Variants in AS3MT observed in about 807,000 individuals in gnomAD.
AS3MT encodes S-adenosyl-L-methionine:arsenic(III) methyltransferase.
In AS3MT, 47 loss-of-function variants were observed where a neutral mutation model predicts 45.3. The observed-to-expected ratio is 1.04, with a 90% CI of 0.82 to 1.32. The LOEUF (loss-of-function observed/expected upper bound fraction) is 1.32. Ranked by LOEUF, AS3MT falls within the 40% of genes most tolerant of loss-of-function variation. AS3MT has a pLI of 0.00. For synonymous variants in AS3MT, 141 were observed against 152.8 expected, an observed-to-expected ratio of 0.92 and a Z score of 0.57; for missense variants, 396 against 451.1, an observed-to-expected ratio of 0.88 and a Z score of 1.11.
At position 102,896,808 on chromosome 10, in the gene AS3MT, CA is replaced by C. The variant is rs71019628; in HGVS notation, c.1021-3770del. On this transcript the variant is annotated intron_variant, in intron 10 of 10. Coordinates refer to ENST00000369880, the MANE Select transcript of AS3MT (RefSeq NM_020682.4). ...GGGGTGACAGAGTGAGACTCCATCT[CA>C]AAAAAAAAAAAAAAGAGTGATTTAC... Among the ~76,000 whole-genome samples the C allele has an allele frequency of 2.4e-3, 293 of 120,648 alleles. No individual in the cohort carries two copies. In the Middle Eastern group the frequency reaches 0.029, roughly 12 times the overall value. 79.1% of individuals were successfully genotyped at this position (120,648 alleles called of 152,430 possible). A position where few individuals can be genotyped will look rare whatever the true frequency, so the allele number is the denominator to read the frequency against.
intron 9 of AS3MT, among the ~76,000 whole-genome samples, chr10:102,888,879 A>ATTT (rs1476114789): frequency 2.2e-5 from 1 of 45,208 alleles, no homozygotes; most frequent in African/African-American, 7.0e-5. Context: ...ATATATATAT[A>ATTT]TATTTTTTTT....
At position 102,870,064 on chromosome 10, in the gene AS3MT, AC is replaced by A. The variant is rs1424352238; in HGVS notation, c.43-19del. 6.2e-7 allele frequency: 1 copy of A among 1,612,880 alleles called. No homozygotes were observed. Among genetic ancestry groups the A allele is most frequent in the Non-Finnish European group, 8.5e-7 (1 of 1,179,850 alleles). ...CTTCTCCCTCTCTACCCCTCACTCC[AC>A]TGTGGGACGCTGGGTCAGACCTACT... On this transcript the variant is annotated intron_variant, in intron 2 of 10. Transcript: ENST00000369880.
Position 102,872,568 on chromosome 10 carries a change from C to T in AS3MT, c.291C>T (p.His97=), listed in dbSNP as rs1163171870. 4.3e-6 allele frequency: 7 copies of T among 1,613,622 alleles called. No homozygotes were observed. The highest frequency in any genetic ancestry group is 2.2e-5 in the South Asian group (2 of 91,036). ...GCCAGCTGGTTGGTGAAAAAGGACA[C>T]GTGACTGGAATAGACATGACCAAAG... is the stretch of plus-strand genomic sequence containing the variant. ...VLSQLVGEKG[H]VTGIDMTKGQ... The change falls in exon 4 of 11, where the codon CAC becomes CAT. Residue 97 remains histidine (H), a synonymous_variant. Coordinates refer to ENST00000369880, the MANE Select transcript of AS3MT (RefSeq NM_020682.4).
chr10:102,900,363 C>T (rs1408787773), intron 10 of AS3MT, among the ~76,000 whole-genome samples: 1 of 152,174 alleles, frequency 6.6e-6, no homozygotes, highest in Non-Finnish European at 1.5e-5. Context: ...CCAAGAGGGA[C>T]CATCTTTAAG....
intron 6 of AS3MT, among the ~76,000 whole-genome samples, chr10:102,875,661 T>C (rs1185131276): frequency 6.6e-6 from 1 of 151,590 alleles, no homozygotes; most frequent in Non-Finnish European, 1.5e-5. Context: ...CTCACTCTGC[T>C]GTCCAGGCTG....
At chr10:102,872,415 C>T in intron 3 of AS3MT, 33 bp from the exon 4 acceptor site, 1 of 1,611,198 alleles carries the variant, frequency 6.2e-7, no homozygotes, top group Non-Finnish European at 8.5e-7. Context: ...CTTACAGTCT[C>T]CAGGGAAAAA....
chr10:102,901,638 C>G lies in AS3MT; in HGVS notation c.*938C>G, dbSNP rs1845271390. The G allele has an allele frequency of 6.6e-6, 1 of 152,150 alleles. No individual in the cohort carries two copies. The highest frequency in any genetic ancestry group is 1.5e-5 in the Non-Finnish European group (1 of 68,044). 9.4% of individuals were successfully genotyped at this position (152,150 alleles called of 1,614,324 possible). A position where few individuals can be genotyped will look rare whatever the true frequency, so the allele number is the denominator to read the frequency against. On this transcript the variant is annotated 3_prime_UTR_variant, in exon 11 of 11. Transcript: ENST00000369880. ...CAGAGAAGCTGTCTTAAGCCTTGTTCAAGAAGCAGGAAAGGCATCAGAAGA... is the reference window on the plus strand; with the variant it reads ...CAGAGAAGCTGTCTTAAGCCTTGTTGAAGAAGCAGGAAAGGCATCAGAAGA...
At chr10:102,889,081 G>A (rs374338637) in intron 9 of AS3MT, among the ~76,000 whole-genome samples, 19 of 151,230 alleles carry the variant, frequency 1.3e-4, no homozygotes, top group African/African-American at 3.6e-4. Context: ...TAGTAGAGAC[G>A]GGGTTTTACC....
intron 2 of AS3MT, 66 bp downstream of exon 2, chr10:102,869,911 G>T: frequency 6.3e-7 from 1 of 1,598,032 alleles, no homozygotes; most frequent in South Asian, 1.1e-5. Context: ...GGCCTGGCCC[G>T]CACCCTGTCC....
intron 9 of AS3MT, among the ~76,000 whole-genome samples, chr10:102,880,295 G>A (rs12244388): frequency 0.37 from 56,356 of 151,724 alleles, 10,714 homozygotes; most frequent in East Asian, 0.56. Flanking sequence ...TATTATTATT[G>A]TTTTTTATTT....
At chr10:102,878,797 G>C in intron 8 of AS3MT, 52 bp from the exon 9 acceptor site, 1 of 1,585,138 alleles carries the variant, frequency 6.3e-7, no homozygotes, top group Non-Finnish European at 8.6e-7. Context: ...GCTGAGCAAG[G>C]CAACAACTGG....
chr10:102,883,606 G>A (rs1299903728), intron 9 of AS3MT, among the ~76,000 whole-genome samples: 2 of 151,834 alleles, frequency 1.3e-5, no homozygotes, highest in African/African-American at 2.4e-5. Context: ...CCAGCTACTC[G>A]AGAGGCTAAG....
intron 9 of AS3MT, among the ~76,000 whole-genome samples, chr10:102,879,279 C>T (rs1425912718): frequency 6.6e-6 from 1 of 152,132 alleles, no homozygotes. Flanking sequence ...CCACCTCAGG[C>T]TTCTGAGTAG....
At chr10:102,892,004 A>T (rs2134129103) in intron 10 of AS3MT, among the ~76,000 whole-genome samples, 1 of 151,642 alleles carries the variant, frequency 6.6e-6, no homozygotes, top group Non-Finnish European at 1.5e-5. Context: ...AAATGGTTTC[A>T]AAGGAAAACT....
Position 102,896,765 on chromosome 10 carries a change from C to T in AS3MT, c.1021-3828C>T, listed in dbSNP as rs556524404. On this transcript the variant is annotated intron_variant, in intron 10 of 10. Coordinates refer to ENST00000369880, the MANE Select transcript of AS3MT (RefSeq NM_020682.4). ...CGGAGGTTGCAGTGAGCCGAGATCG[C>T]GCCACTGCACTCCAGCTGGGGTGAC... 3.7e-4 allele frequency among the ~76,000 whole-genome samples: 55 copies of T among 150,604 alleles called. 1 individual carries two copies. The South Asian group carries it at 0.01, about 28-fold the overall frequency.
At chr10:102,880,488 T>C (rs1458729523) in intron 9 of AS3MT, among the ~76,000 whole-genome samples, 1 of 152,166 alleles carries the variant, frequency 6.6e-6, no homozygotes, top group Non-Finnish European at 1.5e-5. Context: ...CTAGGCTTTG[T>C]CCCATACAAA....
At chr10:102,885,237 C>T (rs1844929345) in intron 9 of AS3MT, among the ~76,000 whole-genome samples, 1 of 152,038 alleles carries the variant, frequency 6.6e-6, no homozygotes, top group East Asian at 1.9e-4. Context: ...ATGTAATATT[C>T]GTCTTTTTGA....
Position 102,872,566 on chromosome 10 carries a change from C to T in AS3MT, c.289C>T (p.His97Tyr), listed in dbSNP as rs2134110038. The T allele has an allele frequency of 1.2e-6, 2 of 1,613,814 alleles. No individual in the cohort carries two copies. Among genetic ancestry groups the T allele is most frequent in the Non-Finnish European group, 1.7e-6 (2 of 1,179,868 alleles). ...VLSQLVGEKGHVTGIDMTKGQ... is the reference protein window; with the variant it reads ...VLSQLVGEKGYVTGIDMTKGQ... ...TAGCCAGCTGGTTGGTGAAAAAGGA[C>T]ACGTGACTGGAATAGACATGACCAA... Residue 97 changes from histidine to tyrosine, a missense_variant, in exon 4 of 11, where the codon CAC becomes TAC. Coordinates refer to ENST00000369880, the MANE Select transcript of AS3MT (RefSeq NM_020682.4).
chr10:102,896,358 G>C (rs1163335056), intron 10 of AS3MT, among the ~76,000 whole-genome samples: 4 of 143,612 alleles, frequency 2.8e-5, no homozygotes, highest in Non-Finnish European at 6.1e-5. Flanking sequence ...AAAGCACAAA[G>C]CTTTTTGAGA....
Sources: gnomAD v4.1 joint callset for allele counts (sites outside exome capture counted in the v4.1 genomes callset) on GRCh38, gnomAD v4.1.1 for gene constraint, MANE v1.5 for transcripts, NCBI Gene and HGNC (gene_info 2026-07-23, HGNC 2026-07-21) for gene names.